The following MGAM variants were observed in gnomAD, a reference collection of about 807,000 sequenced individuals.
MGAM encodes the protein alpha-1,4-glucosidase.
Under a neutral mutation model 358.8 loss-of-function variants are expected in MGAM, and 253 were observed. The observed-to-expected ratio is 0.71, with a 90% CI of 0.64 to 0.78. The LOEUF is 0.78. Ranked by LOEUF, MGAM falls within the 30% of genes least tolerant of loss-of-function variation. The pLI, the probability that MGAM is intolerant of heterozygous loss-of-function variation, is 0.00. For synonymous variants in MGAM, 1,105 were observed against 1,227.1 expected, an observed-to-expected ratio of 0.90 and a Z score of 2.08; for missense variants, 3,080 against 3,432.6, an observed-to-expected ratio of 0.90 and a Z score of 2.57.
chr7:142,067,962 ATAAATATATATATATATATATATATTTTT>A (rs1279880587), intron 42 of MGAM, among the ~76,000 whole-genome samples: 6 of 36,334 alleles, frequency 1.7e-4, no homozygotes, highest in African/African-American at 4.8e-4. Context: ...ATATATATAT[ATAAATATATATATATATATATATATTTTT>A]TTTTTTTTTT....
intron 44 of MGAM, among the ~76,000 whole-genome samples, chr7:142,072,513 G>A (rs1167428415): frequency 6.8e-6 from 1 of 146,222 alleles, no homozygotes; most frequent in Non-Finnish European, 1.5e-5. Context: ...CTTTAGCAGT[G>A]TTAGCATTTC....
chr7:142,059,440 G>A (rs1015905545), intron 31 of MGAM, 32 bp from the exon 32 acceptor site: 2 of 1,599,144 alleles, frequency 1.3e-6, no homozygotes, highest in Non-Finnish European at 1.7e-6. Flanking sequence ...GTGTACAGCA[G>A]CAGCCTCTCA....
intron 21 of MGAM, among the ~76,000 whole-genome samples, chr7:142,047,496 T>C (rs1810503391): frequency 6.6e-6 from 1 of 152,160 alleles, no homozygotes. Context: ...GTATTCTAAG[T>C]AGTAGTTGCA....
chr7:142,095,226 C>T (rs1323599551), intron 63 of MGAM, among the ~76,000 whole-genome samples: 4 of 152,256 alleles, frequency 2.6e-5, no homozygotes, highest in South Asian at 2.1e-4. Flanking sequence ...GGATTACAGG[C>T]GTGAGCCACT....
Position 141,987,872 on chromosome 7 carries a change from A to T in MGAM, c.-2-17657A>T, listed in dbSNP as rs1053472185. Among the ~76,000 whole-genome samples the T allele has an allele frequency of 5.9e-5, 9 of 152,194 alleles. No homozygotes were observed. In the East Asian group the frequency reaches 1.7e-3, roughly 29 times the overall value. Reference sequence around the variant, plus strand: ...AAATTAGTATGACTTTAACCCCACCACTATATGAGTGACCTTTAGCAACTC... The same window carrying T: ...AAATTAGTATGACTTTAACCCCACCTCTATATGAGTGACCTTTAGCAACTC... On this transcript the variant is annotated intron_variant, in intron 2 of 5. Transcript: ENST00000465654.
chr7:142,094,779 T>C lies in MGAM; in HGVS notation c.7374T>C (p.Asp2458=), dbSNP rs7785785. The change falls in exon 63 of 71, where the codon GAT becomes GAC. Residue 2458 remains aspartate (D), a synonymous_variant. Coordinates refer to ENST00000475668, the MANE Select transcript of MGAM (RefSeq NM_001365693.1). The part of the protein sequence containing the change: ...TGADICGFFQ[D]AEYEMCVRWM... ...CAGATATCTGTGGGTTCTTTCAAGA[T>C]GCTGAATATGAGATGTGTGTTCGCT... The C allele has an allele frequency of 2.5e-3, 3,975 of 1,611,678 alleles. 103 individuals carry two copies. The African/African-American group carries it at 0.045, about 18-fold the overall frequency.
intron 3 of MGAM, among the ~76,000 whole-genome samples, chr7:142,017,644 G>A (rs1189656391): frequency 6.6e-6 from 1 of 152,108 alleles, no homozygotes; most frequent in Non-Finnish European, 1.5e-5. Flanking sequence ...TTTCCTCTGA[G>A]TGGGTTTTAC....
rs1466471174 is a variant in MGAM at position 142,040,806 on chromosome 7, A to G, written c.2458A>G (p.Ile820Val). The G allele has an allele frequency of 2.5e-6, 4 of 1,613,204 alleles. No individual in the cohort carries two copies. The highest frequency in any genetic ancestry group is 3.4e-6 in the Non-Finnish European group (4 of 1,179,454). Reference protein sequence around the residue: ...KIGLHLRGGYIFPTQQPNTTT... With the variant: ...KIGLHLRGGYVFPTQQPNTTT... Reference sequence around the variant, plus strand: ...TGGACTTCACCTTCGAGGAGGCTACATCTTCCCCACACAGCAGCCAAATAC... The same window carrying G: ...TGGACTTCACCTTCGAGGAGGCTACGTCTTCCCCACACAGCAGCCAAATAC... Residue 820 changes from isoleucine (I) to valine (V), a missense_variant, in exon 21 of 71, where the codon ATC (isoleucine) becomes GTC (valine). Physicochemically the swap from Ile to Val is conservative, Grantham distance 29 (BLOSUM62 3). Coordinates refer to ENST00000475668, the MANE Select transcript of MGAM (RefSeq NM_001365693.1).
chr7:142,056,991 G>C (rs1238263595), intron 30 of MGAM, 49 bp downstream of exon 30: 11 of 1,559,722 alleles, frequency 7.1e-6, no homozygotes, highest in Non-Finnish European at 9.7e-6. Flanking sequence ...GCACATTCTG[G>C]GTGCCAGAGT....
chr7:142,085,554 G>GTCC (rs1814670674), intron 54 of MGAM, among the ~76,000 whole-genome samples: 1 of 146,104 alleles, frequency 6.8e-6, no homozygotes, highest in South Asian at 2.2e-4. Flanking sequence ...ACAAAGCACT[G>GTCC]TCCATTCCAG....
At chr7:142,088,592 C>G (rs1814983491) in intron 57 of MGAM, among the ~76,000 whole-genome samples, 1 of 97,884 alleles carries the variant, frequency 1.0e-5, no homozygotes, top group Non-Finnish European at 2.2e-5. Flanking sequence ...CCTCATCTAT[C>G]TATATCTATC....
rs750914414 is a variant in MGAM, at chr7:142,063,554, A to G, written c.4313A>G (p.Asp1438Gly). The G allele has an allele frequency of 2.5e-6, 4 of 1,613,600 alleles. No individual in the cohort carries two copies. The East Asian group carries it at 8.9e-5, about 36-fold the overall frequency. The change falls in exon 36 of 71, where the codon GAC becomes GGC. Residue 1438 changes from aspartate to glycine, a missense_variant. Transcript: ENST00000475668. ...VNGAVSPGCR[D>G]ASLNHPPYMP... ...GGGGCAGTTTCTCCAGGCTGCAGGG[A>G]CGCCTCTCTGAACCACCCTCCCTAC...
intron 22 of MGAM, 35 bp from the exon 23 acceptor site, chr7:142,050,200 G>A (rs1810805084): frequency 6.2e-7 from 1 of 1,610,086 alleles, no homozygotes; most frequent in South Asian, 1.1e-5. Flanking sequence ...GAGGTGGGCA[G>A]GCCAGAATCT....
At chr7:142,032,096 TAC>T (rs1807557047) in intron 13 of MGAM, among the ~76,000 whole-genome samples, 1 of 151,206 alleles carries the variant, frequency 6.6e-6, no homozygotes, top group Non-Finnish European at 1.5e-5. Context: ...ATGTACTCCT[TAC>T]ATTGTTGCAA....
intron 70 of MGAM, 90 bp downstream of exon 70, chr7:142,103,529 T>A (rs1045348422): frequency 1.1e-5 from 14 of 1,269,508 alleles, no homozygotes; most frequent in Non-Finnish European, 1.5e-5. Flanking sequence ...AATGATGCCC[T>A]CTCCTGCCAG....
chr7:141,989,602 A>G (rs1803857350), intron 2 of MGAM, among the ~76,000 whole-genome samples: 1 of 148,756 alleles, frequency 6.7e-6, no homozygotes, highest in African/African-American at 2.5e-5. Flanking sequence ...GTTGCCCAGG[A>G]TGGAGTGCAG....
In MGAM at chr7:142,045,447, C is replaced by G. The variant is rs1185205850; in HGVS notation, c.2499-2338C>G. The stretch of plus-strand genomic sequence containing the variant: ...ATAATACATGATATATTATATATAC[C>G]TATAATACATGATATATTATATATA... On this transcript the variant is annotated intron_variant, in intron 21 of 70. Transcript: ENST00000475668. 1.5e-4 allele frequency among the ~76,000 whole-genome samples: 15 copies of G among 102,926 alleles called. No homozygotes were observed. The East Asian group carries it at 1.9e-3, about 13-fold the overall frequency. The allele number at this position is 102,926 out of a possible 152,430, so 67.5% of individuals were successfully genotyped here.
At chr7:142,079,548 C>T (rs144709486) in intron 49 of MGAM, among the ~76,000 whole-genome samples, 1,881 of 146,004 alleles carry the variant, frequency 0.013, 275 homozygotes, top group Non-Finnish European at 0.021. Flanking sequence ...ATTTGAGATA[C>T]GTATAAAATA....
chr7:142,027,497 T>C, intron 9 of MGAM, 113 bp from the exon 10 acceptor site: 1 of 1,165,180 alleles, frequency 8.6e-7, no homozygotes, highest in Non-Finnish European at 1.2e-6. Context: ...CTAACATTAA[T>C]GAATCAGTGC....
Sources: allele counts gnomAD v4.1 joint callset (sites outside exome capture counted in the v4.1 genomes callset), GRCh38; gene constraint gnomAD v4.1.1; transcripts MANE v1.5; gene names NCBI Gene and HGNC (gene_info 2026-07-23, HGNC 2026-07-21).